LINGO2: variants seen among roughly 807,000 people sequenced by gnomAD.
LINGO2 encodes the protein leucine-rich repeat and immunoglobulin-like domain-containing nogo receptor-interacting protein 2.
In LINGO2, 14 loss-of-function variants were observed where a neutral mutation model predicts 30.6. The ratio of observed to expected loss-of-function variants is 0.46; its 90% CI spans 0.30 to 0.72. LINGO2 has a LOEUF of 0.72. LINGO2 is among the 30% of genes least tolerant of loss of function. LINGO2 has a pLI of 0.07. For missense variants in LINGO2, 729 were observed against 751.7 expected (o/e 0.97, Z 0.35); for synonymous variants, 317 against 288.5 (o/e 1.10, Z -1.00).
the LINGO2 span, among the ~76,000 whole-genome samples, chr9:29,062,912 C>G: frequency 2.6e-5 from 4 of 152,124 alleles, no homozygotes; most frequent in African/African-American, 9.6e-5. Flanking sequence ...TGTTTCTTTA[C>G]TACCATCTCA....
intron 3 of LINGO2, among the ~76,000 whole-genome samples, chr9:28,371,668 G>A (rs1262333045): frequency 2.6e-5 from 4 of 152,252 alleles, no homozygotes; most frequent in Admixed American, 2.6e-4. Flanking sequence ...ATCCAAGGGT[G>A]CTCATATATA....
chr9:29,083,485 G>T, the LINGO2 span, among the ~76,000 whole-genome samples: 1 of 152,004 alleles, frequency 6.6e-6, no homozygotes, highest in Non-Finnish European at 1.5e-5. Context: ...TAATTTAAAT[G>T]ATGAGTTAAT....
chr9:28,679,910 T>C, the LINGO2 span, among the ~76,000 whole-genome samples: 2 of 152,058 alleles, frequency 1.3e-5, no homozygotes, highest in South Asian at 4.1e-4. Context: ...ATAATTACTA[T>C]ATACATTTCA....
the LINGO2 span, among the ~76,000 whole-genome samples, chr9:28,852,290 C>T: frequency 2.0e-5 from 3 of 151,946 alleles, no homozygotes; most frequent in Admixed American, 1.3e-4. Context: ...GGTCAGCCTG[C>T]AGCTCCCTCC....
At chr9:28,853,203 C>G in the LINGO2 span, among the ~76,000 whole-genome samples, 1 of 151,998 alleles carries the variant, frequency 6.6e-6, no homozygotes, top group Admixed American at 6.6e-5. Context: ...CAGAGGGATT[C>G]CTCTTGGGGA....
At chr9:28,562,949 C>T (rs1038212934) in intron 1 of LINGO2, among the ~76,000 whole-genome samples, 5 of 152,018 alleles carry the variant, frequency 3.3e-5, no homozygotes, top group African/African-American at 1.2e-4. Flanking sequence ...CGGGTTCAAG[C>T]GATTATCCTG....
At chr9:28,515,181 A>G (rs1820569122) in intron 1 of LINGO2, among the ~76,000 whole-genome samples, 1 of 151,048 alleles carries the variant, frequency 6.6e-6, no homozygotes, top group Non-Finnish European at 1.5e-5. Context: ...TTTGACTTTC[A>G]AGTCTTATTT....
At chr9:28,567,708 T>C (rs1351465208) in intron 1 of LINGO2, among the ~76,000 whole-genome samples, 2 of 151,966 alleles carry the variant, frequency 1.3e-5, no homozygotes, top group Non-Finnish European at 1.5e-5. Flanking sequence ...ATGTTCCTAT[T>C]TGGGTGACGG....
the LINGO2 span, among the ~76,000 whole-genome samples, chr9:28,799,847 G>T: frequency 6.6e-6 from 1 of 151,978 alleles, no homozygotes; most frequent in African/African-American, 2.4e-5. Flanking sequence ...GAGTACATTA[G>T]GAATAAGCCA....
intron 3 of LINGO2, among the ~76,000 whole-genome samples, chr9:28,310,858 T>A (rs1205814514): frequency 6.6e-6 from 1 of 152,172 alleles, no homozygotes; most frequent in African/African-American, 2.4e-5. Flanking sequence ...CCCAATCTGA[T>A]CGAGAACAAA....
intron 5 of LINGO2, among the ~76,000 whole-genome samples, chr9:27,996,372 T>C (rs776069971): frequency 6.6e-6 from 1 of 152,138 alleles, no homozygotes; most frequent in African/African-American, 2.4e-5. Flanking sequence ...AGCCAAAATA[T>C]AGACTCAATC....
At chr9:28,609,049 G>A (rs975720469) in intron 1 of LINGO2, among the ~76,000 whole-genome samples, 5 of 151,360 alleles carry the variant, frequency 3.3e-5, no homozygotes, top group Non-Finnish European at 7.4e-5. Context: ...AATCAGATAT[G>A]TCCATATACC....
At chr9:28,287,250 G>A (rs1186659808) in intron 4 of LINGO2, among the ~76,000 whole-genome samples, 3 of 152,152 alleles carry the variant, frequency 2.0e-5, no homozygotes, top group Non-Finnish European at 2.9e-5. Context: ...CTACGGAGCC[G>A]TACAACAATG....
chr9:28,383,450 G>A (rs1416335981), intron 2 of LINGO2, among the ~76,000 whole-genome samples: 2 of 152,000 alleles, frequency 1.3e-5, no homozygotes, highest in African/African-American at 2.4e-5. Flanking sequence ...TTTCCAAAAA[G>A]GCCAACATGC....
At chr9:28,144,570 G>T (rs574247721) in intron 4 of LINGO2, among the ~76,000 whole-genome samples, 1 of 152,242 alleles carries the variant, frequency 6.6e-6, no homozygotes, top group Non-Finnish European at 1.5e-5. Context: ...TTTGGTCTTT[G>T]GAAAATAACT....
At chr9:28,104,991 T>C (rs1439108407) in intron 4 of LINGO2, among the ~76,000 whole-genome samples, 2 of 152,068 alleles carry the variant, frequency 1.3e-5, no homozygotes, top group Non-Finnish European at 2.9e-5. Context: ...TAAACATTGA[T>C]CAACCTGCCA....
intron 1 of LINGO2, among the ~76,000 whole-genome samples, chr9:28,548,724 A>T (rs967728503): frequency 2.0e-5 from 3 of 149,776 alleles, no homozygotes; most frequent in South Asian, 2.1e-4. Context: ...AAAAAAAAAA[A>T]AAAAAATATT....
chr9:28,546,293 A>G (rs1022566037), intron 1 of LINGO2, among the ~76,000 whole-genome samples: 2 of 152,096 alleles, frequency 1.3e-5, no homozygotes, highest in Non-Finnish European at 1.5e-5. Context: ...GGTTAATAAG[A>G]GAAGAGCATT....
intron 4 of LINGO2, among the ~76,000 whole-genome samples, chr9:28,178,843 G>A (rs1484109032): frequency 6.6e-6 from 1 of 152,116 alleles, no homozygotes; most frequent in African/African-American, 2.4e-5. Flanking sequence ...GACAAGAAGT[G>A]AATAGTCCAG....
Sources: gnomAD v4.1 joint callset for allele counts (sites outside exome capture counted in the v4.1 genomes callset) on GRCh38, gnomAD v4.1.1 for gene constraint, MANE v1.5 for transcripts, NCBI Gene and HGNC (gene_info 2026-07-23, HGNC 2026-07-21) for gene names.